Variants in FBXW10B observed in about 807,000 individuals in gnomAD.
FBXW10B encodes F-box and WD repeat domain containing 10B.
the FBXW10B span, among the ~76,000 whole-genome samples, chr17:15,582,920 G>A: frequency 6.7e-6 from 1 of 149,982 alleles, no homozygotes; most frequent in Middle Eastern, 3.2e-3. Context: ...TTCTCTCAAC[G>A]AAGCATTTGA....
At chr17:15,617,759 C>T in the FBXW10B span, among the ~76,000 whole-genome samples, 3 of 152,178 alleles carry the variant, frequency 2.0e-5, no homozygotes, top group Admixed American at 6.5e-5. Flanking sequence ...TTTCTGAAGC[C>T]CTCACCAGAA....
At chr17:15,585,119 T>C in the FBXW10B span, among the ~76,000 whole-genome samples, 1 of 152,044 alleles carries the variant, frequency 6.6e-6, no homozygotes, top group African/African-American at 2.4e-5. Flanking sequence ...AATTACCTTA[T>C]TGGAAGAAGA....
At chr17:15,595,966 C>T in the FBXW10B span, among the ~76,000 whole-genome samples, 2 of 148,998 alleles carry the variant, frequency 1.3e-5, no homozygotes, top group Non-Finnish European at 3.0e-5. Context: ...GCAACGTCTG[C>T]CTCCCTGATT....
At chr17:15,568,218 G>A in the FBXW10B span, among the ~76,000 whole-genome samples, 3 of 152,182 alleles carry the variant, frequency 2.0e-5, no homozygotes, top group Non-Finnish European at 2.9e-5. Context: ...GTTGTCAAAG[G>A]TACATTTCAC....
chr17:15,601,041 C>T, the FBXW10B span, among the ~76,000 whole-genome samples: 1 of 12,202 alleles, frequency 8.2e-5, no homozygotes, highest in Non-Finnish European at 1.7e-4. Flanking sequence ...CAGAGCGAGA[C>T]TCCATCTCAA....
At chr17:15,580,490 T>C in the FBXW10B span, among the ~76,000 whole-genome samples, 2 of 129,652 alleles carry the variant, frequency 1.5e-5, no homozygotes, top group African/African-American at 2.6e-5. Flanking sequence ...TTTTTGTAAT[T>C]TGGTATAATA....
the FBXW10B span, among the ~76,000 whole-genome samples, chr17:15,611,567 C>T: frequency 1.2e-4 from 19 of 152,250 alleles, no homozygotes; most frequent in African/African-American, 4.1e-4. Context: ...TCCGCTACTC[C>T]CCACACCACC....
the FBXW10B span, among the ~76,000 whole-genome samples, chr17:15,609,678 A>G: frequency 1.2e-3 from 179 of 152,212 alleles, no homozygotes; most frequent in Non-Finnish European, 1.4e-3. Flanking sequence ...ATGCAGAGCT[A>G]CGGGCATCAG....
At chr17:15,572,559 A>C in the FBXW10B span, 4 of 152,290 alleles carry the variant, frequency 2.6e-5, no homozygotes, top group African/African-American at 9.6e-5. Context: ...AACTTTAGCC[A>C]GTGAACAGTT....
chr17:15,600,158 G>C, the FBXW10B span, among the ~76,000 whole-genome samples: 1 of 151,510 alleles, frequency 6.6e-6, no homozygotes, highest in Non-Finnish European at 1.5e-5. Flanking sequence ...GGAGCTTGCA[G>C]TGAGCCGAGA....
At chr17:15,593,726 A>G in the FBXW10B span, among the ~76,000 whole-genome samples, 2 of 151,444 alleles carry the variant, frequency 1.3e-5, no homozygotes, top group Admixed American at 6.6e-5. Context: ...CCTACCAGAC[A>G]CAAGTGATTC....
the FBXW10B span, among the ~76,000 whole-genome samples, chr17:15,614,650 GA>G: frequency 6.6e-6 from 1 of 152,152 alleles, no homozygotes; most frequent in Non-Finnish European, 1.5e-5. Context: ...AGAAAGGGGG[GA>G]AAATGAATGG....
At chr17:15,596,675 G>A in the FBXW10B span, 2 of 1,613,162 alleles carry the variant, frequency 1.2e-6, no homozygotes, top group Non-Finnish European at 1.7e-6. Context: ...GAAAAGGAGG[G>A]AGACAGAGGA....
At chr17:15,608,932 C>A in the FBXW10B span, among the ~76,000 whole-genome samples, 1 of 151,906 alleles carries the variant, frequency 6.6e-6, no homozygotes, top group Non-Finnish European at 1.5e-5. Flanking sequence ...CATTTGCTTC[C>A]CAGTCTTTCT....
At chr17:15,606,717 G>A in the FBXW10B span, among the ~76,000 whole-genome samples, 1 of 151,530 alleles carries the variant, frequency 6.6e-6, no homozygotes, top group African/African-American at 2.4e-5. Flanking sequence ...CCCTTATTCC[G>A]TTTGTCATAC....
the FBXW10B span, among the ~76,000 whole-genome samples, chr17:15,599,131 TGCCACTGCACTCCAGCTTGCCAATAGA>T: frequency 6.9e-6 from 1 of 145,162 alleles, no homozygotes; most frequent in Non-Finnish European, 1.5e-5. Context: ...GCTGAGATTG[TGCCACTGCACTCCAGCTTGCCAATAGA>T]GCGAGACTCT....
chr17:15,581,993 T>C, the FBXW10B span, among the ~76,000 whole-genome samples: 7 of 151,420 alleles, frequency 4.6e-5, no homozygotes, highest in South Asian at 1.0e-3. Context: ...ATTTAAATGA[T>C]AAAAAGGAGA....
At chr17:15,601,835 G>A in the FBXW10B span, among the ~76,000 whole-genome samples, 2 of 152,040 alleles carry the variant, frequency 1.3e-5, no homozygotes, top group African/African-American at 4.8e-5. Context: ...AAGTGAGGCC[G>A]GGCGCGGTGG....
At chr17:15,570,145 A>G in the FBXW10B span, among the ~76,000 whole-genome samples, 1 of 152,208 alleles carries the variant, frequency 6.6e-6, no homozygotes, top group Non-Finnish European at 1.5e-5. Context: ...TGGATGGATG[A>G]TAAGAGAAAG....
Sources: gnomAD v4.1 joint callset for allele counts (sites outside exome capture counted in the v4.1 genomes callset) on GRCh38, gnomAD v4.1.1 for gene constraint, MANE v1.5 for transcripts, NCBI Gene and HGNC (gene_info 2026-07-23, HGNC 2026-07-21) for gene names.